Variants in G3BP1 observed in about 807,000 individuals in gnomAD.
G3BP1 encodes the protein ras GTPase-activating protein-binding protein 1.
A neutral mutation model predicts 58.6 loss-of-function variants in G3BP1; 35 were observed. The observed-to-expected ratio is 0.60, with a 90% CI of 0.46 to 0.79. The LOEUF is 0.79. Among genes scored for constraint, G3BP1 ranks in the 30% least tolerant of loss-of-function variants. The pLI is 0.00. For missense variants in G3BP1, 523 were observed against 580.8 expected (o/e 0.90, Z 1.02); for synonymous variants, 191 against 195.4 (o/e 0.98, Z 0.19).
chr5:151,793,153 G>A (rs1412628187), intron 4 of G3BP1, among the ~76,000 whole-genome samples: 1 of 152,096 alleles, frequency 6.6e-6, no homozygotes, highest in African/African-American at 2.4e-5. Flanking sequence ...CTGTCGCCCA[G>A]GCTGGAGTGC....
intron 1 of G3BP1, among the ~76,000 whole-genome samples, chr5:151,776,302 G>A (rs1762369320): frequency 1.3e-5 from 2 of 152,088 alleles, no homozygotes; most frequent in Non-Finnish European, 2.9e-5. Flanking sequence ...TGGTTCAGGT[G>A]GTATCTGTCA....
At chr5:151,795,737 G>A (rs2113241455) in intron 6 of G3BP1, among the ~76,000 whole-genome samples, 162 bp downstream of exon 6, 1 of 152,326 alleles carries the variant, frequency 6.6e-6, no homozygotes, top group Middle Eastern at 3.4e-3. Context: ...ACAAAAATAT[G>A]TAACTTGTTT....
Position 151,785,782 on chromosome 5 carries a change from AAGT to A in G3BP1, c.-49-785_-49-783del, listed in dbSNP as rs1227171190. Among the ~76,000 whole-genome samples the A allele has an allele frequency of 3.3e-5, 5 of 152,332 alleles. No homozygotes were observed. The East Asian group carries it at 9.6e-4, about 29-fold the overall frequency. On this transcript the variant is annotated intron_variant, in intron 1 of 11. Transcript: ENST00000356245. ...AATTTTTTAATTACATGATAGAATG[AAGT>A]AGTAAGCATATTTAGAATTTTTAGT... is the stretch of plus-strand genomic sequence containing the variant.
chr5:151,785,465 T>A (rs932981881), intron 1 of G3BP1, among the ~76,000 whole-genome samples: 3 of 152,222 alleles, frequency 2.0e-5, no homozygotes, highest in Non-Finnish European at 4.4e-5. Context: ...CTAAAATTTT[T>A]CTTTCTTTTC....
chr5:151,774,544 G>C (rs909931484), intron 1 of G3BP1, among the ~76,000 whole-genome samples: 13 of 151,598 alleles, frequency 8.6e-5, no homozygotes, highest in African/African-American at 3.1e-4. Context: ...TTGTCAGTCT[G>C]ATAAAACTGC....
At chr5:151,786,138 A>G (rs1030182992) in intron 1 of G3BP1, among the ~76,000 whole-genome samples, 2 of 152,140 alleles carry the variant, frequency 1.3e-5, no homozygotes, top group African/African-American at 2.4e-5. Flanking sequence ...AAAATACAAA[A>G]ATTAGCCGGG....
rs113592251 is a variant in G3BP1 at position 151,799,352 on chromosome 5, C to T, written c.843+39C>T. On this transcript the variant is annotated intron_variant, in intron 8 of 11. Transcript: ENST00000356245. ...AAAACTTGTACATTAGGCAAATTTA[C>T]TTCTATTGTGGTAATTTGATTCAAC... The T allele has an allele frequency of 4.6e-3, 4,598 of 1,006,516 alleles. 132 individuals carry two copies. The African/African-American group carries it at 0.065, about 14-fold the overall frequency. 62.3% of individuals were successfully genotyped at this position (1,006,516 alleles called of 1,614,324 possible).
At chr5:151,800,985 C>T (rs1762840862) in intron 11 of G3BP1, 116 bp downstream of exon 11, 1 of 577,024 alleles carries the variant, frequency 1.7e-6, no homozygotes, top group East Asian at 2.8e-5. Flanking sequence ...CCAACATGTT[C>T]AGGTAATTTA....
At chr5:151,801,819 ATTTTTTTTTTTTT>A (rs1320509844) in intron 11 of G3BP1, among the ~76,000 whole-genome samples, 1 of 145,818 alleles carries the variant, frequency 6.9e-6, no homozygotes, top group Non-Finnish European at 1.5e-5. Flanking sequence ...TTATTTTTTT[ATTTTTTTTTTTTT>A]GAGACAGTGT....
chr5:151,774,334 T>C (rs1762329056), intron 1 of G3BP1, among the ~76,000 whole-genome samples: 1 of 152,022 alleles, frequency 6.6e-6, no homozygotes, highest in Non-Finnish European at 1.5e-5. Flanking sequence ...TTTTCTTTTG[T>C]AACTTATGGT....
chr5:151,778,223 G>C (rs1040549471), intron 1 of G3BP1, among the ~76,000 whole-genome samples: 5 of 152,130 alleles, frequency 3.3e-5, no homozygotes, highest in Non-Finnish European at 7.4e-5. Flanking sequence ...AGCGATGTTT[G>C]GGGGGTTCCA....
chr5:151,783,232 C>T (rs956039820), intron 1 of G3BP1, among the ~76,000 whole-genome samples: 2 of 152,030 alleles, frequency 1.3e-5, no homozygotes, highest in Non-Finnish European at 2.9e-5. Flanking sequence ...AGTGAGAATT[C>T]TTTCTCAAGA....
chr5:151,785,424 A>G (rs1318436829), intron 1 of G3BP1, among the ~76,000 whole-genome samples: 8 of 152,130 alleles, frequency 5.3e-5, no homozygotes, highest in African/African-American at 1.7e-4. Flanking sequence ...GAGTCAATCT[A>G]TTTTGTCTAC....
At position 151,797,363 on chromosome 5, in the gene G3BP1, G is replaced by T. The variant is rs1762772317; in HGVS notation, c.676G>T (p.Asp226Tyr). Reference sequence around the variant, plus strand: ...AGTATTAGAAGAAACTGCCCCTGAGGATGCTCAGAAGAGTTCTTCTCCAGC... The same window carrying T: ...AGTATTAGAAGAAACTGCCCCTGAGTATGCTCAGAAGAGTTCTTCTCCAGC... ...EPVLEETAPE[D>Y]AQKSSSPAPA... is the part of the protein sequence containing the mutation. The change falls in exon 7 of 12, where the codon GAT (aspartate) becomes TAT (tyrosine). Residue 226 changes from aspartate to tyrosine, a missense_variant. By Grantham distance (160) the Asp-to-Tyr change is radical. This residue lies in a region of G3BP1 where 398 missense variants were observed against 399.1 expected (regional missense o/e 1.00). Coordinates refer to ENST00000356245, the MANE Select transcript of G3BP1 (RefSeq NM_005754.3). 6.2e-7 allele frequency: 1 copy of T among 1,613,940 alleles called. No individual in the cohort carries two copies. The highest frequency in any genetic ancestry group is 8.5e-7 in the Non-Finnish European group (1 of 1,179,954).
intron 1 of G3BP1, among the ~76,000 whole-genome samples, chr5:151,781,165 T>C (rs1277778704): frequency 6.6e-6 from 1 of 152,210 alleles, no homozygotes; most frequent in African/African-American, 2.4e-5. Flanking sequence ...CTGTAAAATA[T>C]ACACAAGTCT....
chr5:151,805,629 G>C lies in G3BP1; in HGVS notation c.*1538G>C, dbSNP rs889072578. 2.0e-5 allele frequency: 3 copies of C among 152,182 alleles called. No individual in the cohort carries two copies. The highest frequency in any genetic ancestry group is 4.4e-5 in the Non-Finnish European group (3 of 68,022). The allele number at this position is 152,182 out of a possible 1,614,324, so 9.4% of individuals were successfully genotyped here. A position where few individuals can be genotyped will look rare whatever the true frequency, so the allele number is the denominator to read the frequency against. On this transcript the variant is annotated 3_prime_UTR_variant, in exon 12 of 12. Transcript: ENST00000356245. ...GATGGTTAAGACCACAGTGAAGTTG[G>C]TATTACCAGTTTGGTTCCAGTTCCT... is the stretch of plus-strand genomic sequence containing the variant.
intron 1 of G3BP1, among the ~76,000 whole-genome samples, chr5:151,780,921 A>G (rs1209162131): frequency 3.3e-5 from 5 of 152,180 alleles, no homozygotes; most frequent in Non-Finnish European, 4.4e-5. Context: ...CTTGGGATCA[A>G]GTGGAAAATT....
intron 11 of G3BP1, 126 bp from the exon 12 acceptor site, chr5:151,803,759 G>A: frequency 4.7e-6 from 3 of 632,552 alleles, no homozygotes; most frequent in Non-Finnish European, 8.3e-6. Context: ...CTCCCAAAGT[G>A]CTGGGATTAC....
Position 151,794,020 on chromosome 5 carries a change from C to T in G3BP1, c.352-139C>T. The T allele has an allele frequency of 6.7e-6, 4 of 595,406 alleles. No individual in the cohort carries two copies. In the South Asian group the frequency reaches 8.2e-5, roughly 12 times the overall value. 36.9% of individuals were successfully genotyped at this position (595,406 alleles called of 1,614,324 possible). Reference sequence around the variant, plus strand: ...AGCAAGACCCTGTCTCAGAACCCCACAACAACAAAAACTGAAATGTCTCCA... The same window carrying T: ...AGCAAGACCCTGTCTCAGAACCCCATAACAACAAAAACTGAAATGTCTCCA... On this transcript the variant is annotated intron_variant, in intron 4 of 11. Coordinates refer to ENST00000356245, the MANE Select transcript of G3BP1 (RefSeq NM_005754.3).
Sources: allele counts gnomAD v4.1 joint callset (sites outside exome capture counted in the v4.1 genomes callset), GRCh38; gene constraint gnomAD v4.1.1; regional missense constraint gnomAD v4.1.1; transcripts MANE v1.5; gene names NCBI Gene and HGNC (gene_info 2026-07-23, HGNC 2026-07-21).